The following CADM2 variants were observed in gnomAD, a reference collection of about 807,000 sequenced individuals.
CADM2 encodes the protein immunoglobulin superfamily member 4D.
CADM2 carries 12 observed loss-of-function variants against 49.8 expected under a neutral mutation model. That is an observed-to-expected ratio of 0.24 (90% CI 0.15 to 0.39). The LOEUF (loss-of-function observed/expected upper bound fraction) is 0.39, where lower values mean the gene tolerates loss of function less well. Among genes scored for constraint, CADM2 ranks in the 10% least tolerant of loss-of-function variants. The probability of loss-of-function intolerance (pLI) is 1.00; values close to 1 mark genes in which losing one functional copy is unlikely to be tolerated. For synonymous variants in CADM2, 214 were observed against 175.4 expected (o/e 1.22, Z -1.74); for missense variants, 378 against 492.3 (o/e 0.77, Z 2.20).
chr3:85,226,414 G>A (rs531728460), intron 1 of CADM2, among the ~76,000 whole-genome samples: 6 of 152,082 alleles, frequency 3.9e-5, no homozygotes, highest in Non-Finnish European at 5.9e-5. Context: ...TTGCATAGAG[G>A]TGTTTATGGT....
chr3:85,900,043 T>C (rs1715898646), intron 5 of CADM2, among the ~76,000 whole-genome samples: 1 of 152,188 alleles, frequency 6.6e-6, no homozygotes, highest in African/African-American at 2.4e-5. Context: ...TTCTTTTGCA[T>C]GGGTTCTCCT....
intron 1 of CADM2, among the ~76,000 whole-genome samples, chr3:85,402,667 G>C (rs1253397356): frequency 6.6e-6 from 1 of 152,104 alleles, no homozygotes; most frequent in Non-Finnish European, 1.5e-5. Flanking sequence ...TTTGAGTCTG[G>C]GAGGTCACCA....
intron 1 of CADM2, among the ~76,000 whole-genome samples, chr3:85,135,971 C>T (rs1244262563): frequency 6.6e-6 from 1 of 151,924 alleles, no homozygotes. Context: ...AGATTTATAG[C>T]AATCTACAAA....
chr3:85,863,660 C>A (rs1296022785), intron 3 of CADM2, among the ~76,000 whole-genome samples: 1 of 152,160 alleles, frequency 6.6e-6, no homozygotes, highest in African/African-American at 2.4e-5. Flanking sequence ...GAGCCAAATA[C>A]ATCATTTTCT....
At chr3:85,279,933 A>C in intron 1 of CADM2, among the ~76,000 whole-genome samples, 1 of 151,582 alleles carries the variant, frequency 6.6e-6, no homozygotes, top group East Asian at 1.9e-4. Flanking sequence ...TTGGAAATCA[A>C]CTGCTTATTA....
intron 1 of CADM2, among the ~76,000 whole-genome samples, chr3:85,482,590 T>C (rs1476459823): frequency 6.6e-6 from 1 of 151,734 alleles, no homozygotes; most frequent in Non-Finnish European, 1.5e-5. Context: ...TAAAGATCTA[T>C]TTAAACATGT....
intron 1 of CADM2, among the ~76,000 whole-genome samples, chr3:85,559,687 C>CACACAT (rs1335331798): frequency 8.1e-4 from 40 of 49,426 alleles, no homozygotes; most frequent in Admixed American, 2.5e-3. Flanking sequence ...CACACACACA[C>CACACAT]ATATATATAT....
chr3:86,015,536 A>G (rs1732112933), intron 8 of CADM2, among the ~76,000 whole-genome samples: 2 of 152,212 alleles, frequency 1.3e-5, no homozygotes, highest in African/African-American at 4.8e-5. Flanking sequence ...ACCTTTGACT[A>G]ATAGGAGTTT....
intron 8 of CADM2, among the ~76,000 whole-genome samples, chr3:86,045,436 A>G (rs1046157189): frequency 2.6e-5 from 4 of 151,998 alleles, no homozygotes; most frequent in African/African-American, 7.2e-5. Context: ...GTTCTGTTCC[A>G]CTTCCCAGGG....
chr3:85,249,873 G>T (rs796078632), intron 1 of CADM2, among the ~76,000 whole-genome samples: 62 of 151,874 alleles, frequency 4.1e-4, no homozygotes, highest in African/African-American at 1.4e-3. Context: ...TCTCAGTCAG[G>T]TTACTTACCA....
chr3:85,994,415 C>A (rs1729122104), intron 8 of CADM2: 1 of 152,216 alleles, frequency 6.6e-6, no homozygotes, highest in African/African-American at 2.4e-5. Flanking sequence ...ATCAAGACCA[C>A]TTAAACTTTC....
At chr3:85,500,891 AG>A (rs2040088619) in intron 1 of CADM2, among the ~76,000 whole-genome samples, 1 of 149,978 alleles carries the variant, frequency 6.7e-6, no homozygotes. Context: ...AAATTTCTCA[AG>A]GTCTTGATTT....
At chr3:85,751,756 G>T (rs1244841689) in intron 2 of CADM2, among the ~76,000 whole-genome samples, 1 of 152,060 alleles carries the variant, frequency 6.6e-6, no homozygotes, top group African/African-American at 2.4e-5. Context: ...ACCAACACTT[G>T]CAATTATCCA....
At chr3:85,248,814 C>A (rs2042710599) in intron 1 of CADM2, among the ~76,000 whole-genome samples, 1 of 152,094 alleles carries the variant, frequency 6.6e-6, no homozygotes, top group South Asian at 2.1e-4. Context: ...AAACTTGCTT[C>A]ATTTGACTCA....
chr3:85,901,838 ACTTT>A (rs1716165431), intron 5 of CADM2, among the ~76,000 whole-genome samples: 1 of 152,106 alleles, frequency 6.6e-6, no homozygotes, highest in South Asian at 2.1e-4. Context: ...CCACAAATCT[ACTTT>A]CTGTCTGTAT....
At chr3:85,714,295 A>G (rs2067211486) in intron 1 of CADM2, among the ~76,000 whole-genome samples, 1 of 152,138 alleles carries the variant, frequency 6.6e-6, no homozygotes, top group Non-Finnish European at 1.5e-5. Flanking sequence ...TTGCTTGAAC[A>G]CAATAGGCCA....
intron 1 of CADM2, among the ~76,000 whole-genome samples, chr3:85,459,902 C>T (rs551311975): frequency 4.2e-5 from 6 of 142,294 alleles, no homozygotes; most frequent in Non-Finnish European, 9.4e-5. Flanking sequence ...ATACATGGCC[C>T]TTTGTTACTG....
intron 1 of CADM2, among the ~76,000 whole-genome samples, chr3:85,602,022 G>A (rs1388133558): frequency 1.3e-5 from 2 of 151,790 alleles, no homozygotes; most frequent in Admixed American, 1.3e-4. Context: ...ACATTGTTCC[G>A]TTCAGTGGCT....
intron 1 of CADM2, among the ~76,000 whole-genome samples, chr3:85,411,585 C>A (rs1362570375): frequency 2.6e-5 from 4 of 152,106 alleles, no homozygotes; most frequent in Non-Finnish European, 5.9e-5. Flanking sequence ...AACAGCGTAA[C>A]AATCATAGTT....
Sources: allele counts gnomAD v4.1 joint callset (sites outside exome capture counted in the v4.1 genomes callset), GRCh38; gene constraint gnomAD v4.1.1; transcripts MANE v1.5; gene names NCBI Gene and HGNC (gene_info 2026-07-23, HGNC 2026-07-21).